HECW2: variants seen among roughly 807,000 people sequenced by gnomAD.
HECW2 encodes the protein HECT, C2 and WW domain containing E3 ubiquitin protein ligase 2, also known as E3 ubiquitin-protein ligase HECW2.
Under a neutral mutation model 175.2 loss-of-function variants are expected in HECW2, and 61 were observed. The ratio of observed to expected loss-of-function variants is 0.35; its 90% CI spans 0.28 to 0.43. The LOEUF (loss-of-function observed/expected upper bound fraction) is 0.43, where lower values mean the gene tolerates loss of function less well. Ranked by LOEUF, HECW2 falls within the 20% of genes least tolerant of loss-of-function variation. The pLI is 1.00. For synonymous variants in HECW2, 671 were observed against 731.0 expected (o/e 0.92, Z 1.32); for missense variants, 1,524 against 2,000.5 (o/e 0.76, Z 4.54).
rs1355654032 is a variant in HECW2 at position 196,199,355 on chromosome 2, G to C, written c.*1922C>G. 1 of 152,458 alleles carries C rather than the reference G, an allele frequency of 6.6e-6. No homozygotes were observed. The highest frequency in any genetic ancestry group is 1.5e-5 in the Non-Finnish European group (1 of 68,010). 9.4% of individuals were successfully genotyped at this position (152,458 alleles called of 1,614,324 possible). A position where few individuals can be genotyped will look rare whatever the true frequency, so the allele number is the denominator to read the frequency against. On this transcript the variant is annotated 3_prime_UTR_variant, in exon 29 of 29. Transcript: ENST00000644978. ...CTCTTCCAATTATAGAATACAGAGA[G>C]CTCTTCCTTTCTTATTTCCAGATTT...
intron 1 of HECW2, among the ~76,000 whole-genome samples, chr2:196,588,348 G>A (rs562467005): frequency 6.6e-6 from 1 of 152,114 alleles, no homozygotes; most frequent in African/African-American, 2.4e-5. Flanking sequence ...TTTTTTCATT[G>A]CTTTTCCCTT....
At chr2:196,214,314 T>C (rs753471092) in intron 28 of HECW2, among the ~76,000 whole-genome samples, 2 of 152,166 alleles carry the variant, frequency 1.3e-5, no homozygotes, top group Non-Finnish European at 2.9e-5. Flanking sequence ...TTGGTGAAAA[T>C]TACAGTGATT....
At chr2:196,506,951 T>G (rs1687780463) in intron 1 of HECW2, among the ~76,000 whole-genome samples, 1 of 152,170 alleles carries the variant, frequency 6.6e-6, no homozygotes, top group Non-Finnish European at 1.5e-5. Flanking sequence ...GAAAGGATTT[T>G]AAAGAACAAT....
At chr2:196,578,329 AG>A (rs991522333) in intron 1 of HECW2, among the ~76,000 whole-genome samples, 61 of 152,290 alleles carry the variant, frequency 4.0e-4, no homozygotes, top group African/African-American at 1.3e-3. Context: ...AGGAATAGAA[AG>A]AAAAAGAACA....
intron 17 of HECW2, among the ~76,000 whole-genome samples, chr2:196,264,564 T>C (rs142789542): frequency 1.4e-3 from 220 of 152,310 alleles, no homozygotes; most frequent in African/African-American, 5.1e-3. Flanking sequence ...CAGAGAACAA[T>C]GTTTATCAGA....
intron 1 of HECW2, among the ~76,000 whole-genome samples, chr2:196,434,797 C>A (rs1006288228): frequency 2.6e-5 from 4 of 152,186 alleles, no homozygotes; most frequent in Non-Finnish European, 5.9e-5. Flanking sequence ...TATGAAAAAA[C>A]TTTCTGCCAC....
intron 19 of HECW2, 60 bp from the exon 20 acceptor site, chr2:196,242,264 C>T: frequency 6.2e-7 from 1 of 1,603,190 alleles, no homozygotes; most frequent in Admixed American, 1.7e-5. Context: ...ATGTTCATCA[C>T]ATCACCATGG....
intron 1 of HECW2, among the ~76,000 whole-genome samples, chr2:196,447,836 T>C (rs752608183): frequency 5.3e-5 from 8 of 152,120 alleles, no homozygotes; most frequent in Non-Finnish European, 8.8e-5. Context: ...GGCAGGCAGA[T>C]CACGAGGTCA....
intron 1 of HECW2, among the ~76,000 whole-genome samples, chr2:196,468,220 C>T (rs564157815): frequency 7.2e-5 from 11 of 152,318 alleles, no homozygotes; most frequent in African/African-American, 2.4e-4. Context: ...GTCTCGAACT[C>T]CTGACCTCAA....
chr2:196,555,286 GGCTCCTTTCTGATTCAGA>G (rs905183033), intron 1 of HECW2, among the ~76,000 whole-genome samples: 4 of 152,188 alleles, frequency 2.6e-5, no homozygotes, highest in African/African-American at 9.6e-5. Context: ...GTCTGGTGAG[GGCTCCTTTCTGATTCAGA>G]GCTCCTTCTT....
intron 1 of HECW2, among the ~76,000 whole-genome samples, chr2:196,554,429 A>G (rs1320476135): frequency 1.3e-5 from 2 of 152,250 alleles, no homozygotes; most frequent in African/African-American, 2.4e-5. Context: ...TGGAATCTTG[A>G]CAAATGGCTC....
intron 1 of HECW2, among the ~76,000 whole-genome samples, chr2:196,477,944 A>G (rs1187816827): frequency 6.6e-6 from 1 of 151,978 alleles, no homozygotes; most frequent in Non-Finnish European, 1.5e-5. Context: ...TCCAGCTACT[A>G]GGGGGGCTGA....
chr2:196,560,667 T>G (rs1179353200), intron 1 of HECW2, among the ~76,000 whole-genome samples: 1 of 151,990 alleles, frequency 6.6e-6, no homozygotes, highest in Non-Finnish European at 1.5e-5. Context: ...AAGTGGACTC[T>G]GCAGACATTT....
intron 1 of HECW2, among the ~76,000 whole-genome samples, chr2:196,539,764 C>A (rs903975738): frequency 2.4e-4 from 36 of 152,160 alleles, no homozygotes; most frequent in African/African-American, 8.7e-4. Context: ...GTTTATTAGT[C>A]CTTGAGAGAA....
chr2:196,229,200 G>A (rs1242215549), intron 21 of HECW2, among the ~76,000 whole-genome samples: 3 of 152,124 alleles, frequency 2.0e-5, no homozygotes, highest in Non-Finnish European at 4.4e-5. Context: ...GAGAAGCTGG[G>A]GTGGAGGAGG....
At chr2:196,227,210 C>T (rs1339969845) in intron 22 of HECW2, among the ~76,000 whole-genome samples, 1 of 152,160 alleles carries the variant, frequency 6.6e-6, no homozygotes, top group Non-Finnish European at 1.5e-5. Context: ...AGATAACGCC[C>T]TCCACCCAAC....
At chr2:196,590,194 G>A (rs751294509) in intron 1 of HECW2, among the ~76,000 whole-genome samples, 1 of 152,104 alleles carries the variant, frequency 6.6e-6, no homozygotes, top group Admixed American at 6.5e-5. Flanking sequence ...GTGAAAGGGG[G>A]TGCTTTTGAT....
chr2:196,373,458 A>G (rs1028961853), intron 2 of HECW2, among the ~76,000 whole-genome samples: 17 of 152,224 alleles, frequency 1.1e-4, no homozygotes, highest in African/African-American at 4.1e-4. Flanking sequence ...GATGGCATTC[A>G]TCCAAAATGT....
At chr2:196,585,798 A>G (rs1690954310) in intron 1 of HECW2, among the ~76,000 whole-genome samples, 3 of 152,200 alleles carry the variant, frequency 2.0e-5, no homozygotes, top group Admixed American at 2.0e-4. Context: ...TTTCTAGATT[A>G]TGCCAATGGC....
Sources: gnomAD v4.1 joint callset for allele counts (sites outside exome capture counted in the v4.1 genomes callset) on GRCh38, gnomAD v4.1.1 for gene constraint, MANE v1.5 for transcripts, NCBI Gene and HGNC (gene_info 2026-07-23, HGNC 2026-07-21) for gene names.